The following SIRPD variants were observed in gnomAD, a reference collection of about 807,000 sequenced individuals.
The protein encoded by SIRPD is signal-regulatory protein delta.
A neutral mutation model predicts 18.0 loss-of-function variants in SIRPD; 21 were observed. The observed-to-expected ratio is 1.17, with a 90% CI of 0.83 to 1.68. The LOEUF is 1.68. Among genes scored for constraint, SIRPD ranks in the 40% most tolerant of loss-of-function variants. The pLI, the probability that SIRPD is intolerant of heterozygous loss-of-function variation, is 0.00. For synonymous variants in SIRPD, 106 were observed against 92.9 expected (o/e 1.14, Z -0.81); for missense variants, 295 against 238.4 (o/e 1.24, Z -1.56).
chr20:1,546,064 G>T (rs936768303), intron 2 of SIRPD, among the ~76,000 whole-genome samples: 2 of 152,202 alleles, frequency 1.3e-5, no homozygotes, highest in Admixed American at 6.5e-5. Flanking sequence ...GACCCCTGCT[G>T]GGAGGTGTCT....
chr20:1,534,322 C>T lies in SIRPD; in HGVS notation c.*103G>A. 1 of 1,519,112 alleles carries T rather than the reference C, an allele frequency of 6.6e-7. No homozygotes were observed. The highest frequency in any genetic ancestry group is 1.2e-5 in the South Asian group (1 of 84,988). The allele number at this position is 1,519,112 out of a possible 1,614,324, so 94.1% of individuals were successfully genotyped here. ...TTTTATGTCAGTGGAAGAAAGCTCT[C>T]TTGAAGAAGGCAAATGAAACTCCTA... is the stretch of plus-strand genomic sequence containing the variant. On this transcript the variant is annotated 3_prime_UTR_variant, in exon 4 of 4. Transcript: ENST00000381623.
At chr20:1,543,415 G>T (rs749997516) in intron 2 of SIRPD, among the ~76,000 whole-genome samples, 2 of 152,074 alleles carry the variant, frequency 1.3e-5, no homozygotes, top group African/African-American at 4.8e-5. Context: ...TAGTTTATTC[G>T]CATGGAGGTG....
intron 3 of SIRPD, among the ~76,000 whole-genome samples, chr20:1,535,958 C>T (rs183354248): frequency 3.3e-4 from 50 of 152,292 alleles, no homozygotes; most frequent in Non-Finnish European, 2.9e-5. Context: ...CAGGCTCCAG[C>T]CCTGACAACC....
chr20:1,546,255 A>T (rs2090993249), intron 2 of SIRPD, among the ~76,000 whole-genome samples: 1 of 152,082 alleles, frequency 6.6e-6, no homozygotes, highest in Admixed American at 6.6e-5. Flanking sequence ...TCCCAGGGAG[A>T]TGGGAGTTTT....
intron 1 of SIRPD, among the ~76,000 whole-genome samples, chr20:1,556,367 G>A (rs945245294): frequency 2.6e-5 from 4 of 152,086 alleles, no homozygotes; most frequent in East Asian, 3.8e-4. Flanking sequence ...AATAAAAAGA[G>A]GAAGCTTTAT....
At chr20:1,554,328 T>C (rs1267751448) in intron 1 of SIRPD, 1 of 152,610 alleles carries the variant, frequency 6.6e-6, no homozygotes, top group Non-Finnish European at 1.5e-5. Context: ...TCTTATGTTC[T>C]CTGTCTTGGC....
intron 3 of SIRPD, among the ~76,000 whole-genome samples, chr20:1,536,437 C>A (rs2090945904): frequency 6.8e-6 from 1 of 146,372 alleles, no homozygotes; most frequent in Non-Finnish European, 1.5e-5. Flanking sequence ...GTGCTTTTAA[C>A]CACTTTATTA....
intron 2 of SIRPD, among the ~76,000 whole-genome samples, chr20:1,543,730 T>C (rs887591777): frequency 6.6e-6 from 1 of 152,226 alleles, no homozygotes; most frequent in Non-Finnish European, 1.5e-5. Flanking sequence ...TTTAGATCTT[T>C]CCTGCTGTCT....
intron 1 of SIRPD, among the ~76,000 whole-genome samples, chr20:1,554,643 T>G (rs2123155778): frequency 6.6e-6 from 1 of 152,250 alleles, no homozygotes; most frequent in South Asian, 2.1e-4. Flanking sequence ...TGTCTCAAAA[T>G]CAGGGATACT....
chr20:1,546,784 G>A (rs867359224), intron 2 of SIRPD, among the ~76,000 whole-genome samples: 2 of 152,136 alleles, frequency 1.3e-5, no homozygotes, highest in African/African-American at 4.8e-5. Context: ...ATCCTTATGA[G>A]TGCAAAGTTG....
intron 2 of SIRPD, chr20:1,540,086 G>A (rs1233517763): frequency 3.1e-6 from 1 of 324,664 alleles, no homozygotes; most frequent in Non-Finnish European, 6.1e-6. Context: ...ATACAGATTT[G>A]TTAAGAATCT....
chr20:1,552,158 G>A (rs758372669), intron 1 of SIRPD, 120 bp from the exon 2 acceptor site: 30 of 794,848 alleles, frequency 3.8e-5, no homozygotes, highest in Non-Finnish European at 5.3e-5. Flanking sequence ...CCCATGCATT[G>A]AGTAAAGAGA....
intron 2 of SIRPD, among the ~76,000 whole-genome samples, chr20:1,542,812 T>C (rs2090978201): frequency 6.6e-6 from 1 of 152,226 alleles, no homozygotes; most frequent in African/African-American, 2.4e-5. Flanking sequence ...ATTTCATCAA[T>C]ACCTAGTTTA....
chr20:1,545,056 T>A (rs541717891), intron 2 of SIRPD, among the ~76,000 whole-genome samples: 2 of 152,210 alleles, frequency 1.3e-5, no homozygotes, highest in Non-Finnish European at 2.9e-5. Flanking sequence ...ATTTTTCACT[T>A]CATTTCAACC....
intron 2 of SIRPD, among the ~76,000 whole-genome samples, chr20:1,546,131 G>A (rs1310595231): frequency 6.6e-6 from 1 of 152,210 alleles, no homozygotes; most frequent in Non-Finnish European, 1.5e-5. Context: ...CTGTCCCTTA[G>A]CAGAGCTCAA....
chr20:1,535,061 A>G (rs1033524084), intron 3 of SIRPD, among the ~76,000 whole-genome samples: 3 of 152,202 alleles, frequency 2.0e-5, no homozygotes, highest in Non-Finnish European at 4.4e-5. Context: ...ATGATGGTAC[A>G]ACCACAAAAT....
chr20:1,536,665 T>C (rs1292485653), intron 3 of SIRPD, among the ~76,000 whole-genome samples: 1 of 152,184 alleles, frequency 6.6e-6, no homozygotes, highest in African/African-American at 2.4e-5. Context: ...GTGTAGTACT[T>C]GTTGTTATCT....
chr20:1,552,115 A>T (rs1600073046), intron 1 of SIRPD, 77 bp from the exon 2 acceptor site: 10 of 1,204,576 alleles, frequency 8.3e-6, no homozygotes, highest in Non-Finnish European at 1.2e-5. Context: ...GTTGGGCCTC[A>T]TTCATTAATT....
In SIRPD at chr20:1,554,072, T is replaced by A. The variant is rs549884933; in HGVS notation, c.74-2034A>T. Reference sequence around the variant, plus strand: ...CACGTCACTGATGCGAATGGAATAGTCAGTTTGATCAACCATTGTGTTTTC... The same window carrying A: ...CACGTCACTGATGCGAATGGAATAGACAGTTTGATCAACCATTGTGTTTTC... On this transcript the variant is annotated intron_variant, in intron 1 of 3. Transcript: ENST00000381623. The A allele has an allele frequency of 2.0e-5, 3 of 152,720 alleles. No individual in the cohort carries two copies. The South Asian group carries it at 6.2e-4, about 32-fold the overall frequency. 9.5% of individuals were successfully genotyped at this position (152,720 alleles called of 1,614,324 possible).
Sources: gnomAD v4.1 joint callset for allele counts (sites outside exome capture counted in the v4.1 genomes callset) on GRCh38, gnomAD v4.1.1 for gene constraint, MANE v1.5 for transcripts, NCBI Gene and HGNC (gene_info 2026-07-23, HGNC 2026-07-21) for gene names.